The following OSBPL5 variants were observed in gnomAD, a reference collection of about 807,000 sequenced individuals.
The protein encoded by OSBPL5 is oxysterol binding protein like 5, also known as oxysterol-binding protein-related protein 5.
OSBPL5 carries 71 observed loss-of-function variants against 111.2 expected under a neutral mutation model. The ratio of observed to expected loss-of-function variants is 0.64; its 90% CI spans 0.53 to 0.78. The LOEUF is 0.78. Among genes scored for constraint, OSBPL5 ranks in the 30% least tolerant of loss-of-function variants. The pLI is 0.00. For missense variants in OSBPL5, 1,210 were observed against 1,189.3 expected (o/e 1.02, Z -0.26); for synonymous variants, 549 against 513.9 (o/e 1.07, Z -0.93).
rs1010251604 is a variant in OSBPL5 at position 3,113,123 on chromosome 11, G to A, written c.692-5178C>T. Among the ~76,000 whole-genome samples, 5 of 152,118 alleles carry A rather than the reference G, an allele frequency of 3.3e-5. No individual in the cohort carries two copies. The South Asian group carries it at 1.0e-3, about 32-fold the overall frequency. ...GCACTTGAATCAAATACTTGATCAG[G>A]AAAAAAGAAAAGACAAGTCAAATGC... is the stretch of plus-strand genomic sequence containing the variant. On this transcript the variant is annotated intron_variant, in intron 7 of 21. Coordinates refer to ENST00000263650, the MANE Select transcript of OSBPL5 (RefSeq NM_020896.4). The surrounding 1 kb of genome is among the most constrained non-coding windows in gnomAD (Gnocchi z 4.8).
Position 3,092,680 on chromosome 11 carries a change from A to G in OSBPL5, c.2133-122T>C. 1.4e-6 allele frequency: 2 copies of G among 1,384,594 alleles called. No homozygotes were observed. The highest frequency in any genetic ancestry group is 1.9e-6 in the Non-Finnish European group (2 of 1,038,550). 85.8% of individuals were successfully genotyped at this position (1,384,594 alleles called of 1,614,324 possible). A position where few individuals can be genotyped will look rare whatever the true frequency, so the allele number is the denominator to read the frequency against. On this transcript the variant is annotated intron_variant, in intron 18 of 21. Transcript: ENST00000263650. The surrounding 1 kb of genome is among the most constrained non-coding windows in gnomAD (Gnocchi z 5.4). ...ACCTCCAGGAGAATGACCACTGCCCACACCCCATGGGCAGGGCCTGCAGTA... is the reference window on the plus strand; with the variant it reads ...ACCTCCAGGAGAATGACCACTGCCCGCACCCCATGGGCAGGGCCTGCAGTA...
At chr11:3,143,996 C>A (rs1055807476) in intron 1 of OSBPL5, among the ~76,000 whole-genome samples, 1 of 152,170 alleles carries the variant, frequency 6.6e-6, no homozygotes, top group African/African-American at 2.4e-5. Context: ...GGTCGATGGC[C>A]TCAAGTCACA....
intron 1 of OSBPL5, among the ~76,000 whole-genome samples, chr11:3,148,072 C>G (rs1476842390): frequency 6.6e-6 from 1 of 152,216 alleles, no homozygotes; most frequent in Non-Finnish European, 1.5e-5. Flanking sequence ...ATGGTGCAGA[C>G]AGCTCTCCCT....
chr11:3,131,587 C>CTACCCATT (rs1858842311), intron 1 of OSBPL5, among the ~76,000 whole-genome samples: 1 of 109,632 alleles, frequency 9.1e-6, no homozygotes, highest in Non-Finnish European at 1.9e-5. Context: ...ATCCATCCAC[C>CTACCCATT]CATTCATCCA....
chr11:3,155,493 CCCCCAGCTCTGCCACTCA>C (rs1422680767), intron 1 of OSBPL5, among the ~76,000 whole-genome samples: 1 of 124,088 alleles, frequency 8.1e-6, no homozygotes, highest in Non-Finnish European at 1.7e-5. Context: ...TTTGCCACTC[CCCCCAGCTCTGCCACTCA>C]CCCCAGGTCT....
intron 20 of OSBPL5, 83 bp downstream of exon 20, chr11:3,090,475 T>G: frequency 5.2e-6 from 8 of 1,540,102 alleles, no homozygotes; most frequent in South Asian, 4.8e-5. Flanking sequence ...GGCAGGTGCT[T>G]CTCTGGCCTC....
chr11:3,147,979 T>C (rs928139622), intron 1 of OSBPL5, among the ~76,000 whole-genome samples: 3 of 152,132 alleles, frequency 2.0e-5, no homozygotes, highest in African/African-American at 7.2e-5. Flanking sequence ...GCTGGGCTCC[T>C]GCCTGGTCAC....
Position 3,100,151 on chromosome 11 carries a change from C to T in OSBPL5, c.1621+7G>A. On this transcript the variant is annotated splice_region_variant and intron_variant, in intron 14 of 21. Transcript: ENST00000263650. ...CTGCCCTCGGAGTGTGTGGCTGAGCCTCTCACCTTTGCAGTGGGCGTAGGG... is the reference window on the plus strand; with the variant it reads ...CTGCCCTCGGAGTGTGTGGCTGAGCTTCTCACCTTTGCAGTGGGCGTAGGG... 1 of 1,613,786 alleles carries T rather than the reference C, an allele frequency of 6.2e-7. No individual in the cohort carries two copies. The highest frequency in any genetic ancestry group is 8.5e-7 in the Non-Finnish European group (1 of 1,179,808).
chr11:3,138,961 C>T (rs963697219), intron 1 of OSBPL5, among the ~76,000 whole-genome samples: 2 of 152,256 alleles, frequency 1.3e-5, no homozygotes, highest in African/African-American at 4.8e-5. Context: ...ACAAAGAGGA[C>T]GCGGCTGCTG....
chr11:3,097,020 G>A (rs2134395658), intron 14 of OSBPL5, among the ~76,000 whole-genome samples: 1 of 14,096 alleles, frequency 7.1e-5, no homozygotes, highest in Non-Finnish European at 1.5e-4. Flanking sequence ...GAAGACGGGA[G>A]GGGGAGGAGA....
At chr11:3,119,466 C>T in intron 7 of OSBPL5, 81 bp downstream of exon 7, 1 of 1,401,902 alleles carries the variant, frequency 7.1e-7, no homozygotes, top group Non-Finnish European at 9.5e-7. Context: ...CTGGGGCCAC[C>T]TGTACCTGGG....
chr11:3,112,352 C>T (rs570416768), intron 7 of OSBPL5, among the ~76,000 whole-genome samples: 4 of 152,252 alleles, frequency 2.6e-5, no homozygotes, highest in African/African-American at 9.6e-5. Context: ...GGAGAGGGTG[C>T]CAGACTCCCC....
Position 3,141,184 on chromosome 11 carries a change from C to G in OSBPL5, c.-21-12015G>C, listed in dbSNP as rs192135015. Among the ~76,000 whole-genome samples, 3 of 152,320 alleles carry G rather than the reference C, an allele frequency of 2.0e-5. No individual in the cohort carries two copies. Among genetic ancestry groups the G allele is most frequent in the African/African-American group, 4.8e-5 (2 of 41,572 alleles). On this transcript the variant is annotated intron_variant, in intron 1 of 21. Coordinates refer to ENST00000263650, the MANE Select transcript of OSBPL5 (RefSeq NM_020896.4). This position sits in a 1 kb window ranked among gnomAD's most constrained non-coding sequence, Gnocchi z 6.5. ...GCTGACAGCCACCCAGGCTTCCCCC[C>G]GCCCAGCAGACAGTATCGTCATCAT... is the stretch of plus-strand genomic sequence containing the variant.
Position 3,142,199 on chromosome 11 carries a change from G to A in OSBPL5, c.-21-13030C>T, listed in dbSNP as rs7119764. Among the ~76,000 whole-genome samples the A allele has an allele frequency of 0.081, 12,262 of 152,298 alleles. 1,703 individuals carry two copies. The highest frequency in any genetic ancestry group is 0.28 in the African/African-American group (11,603 of 41,546). ...GTCCCAAAGTGCTGGGATTACAGGC[G>A]TGAGCCACCGTGCCCGGCCGACAGC... On this transcript the variant is annotated intron_variant, in intron 1 of 21. Transcript: ENST00000263650. The surrounding 1 kb of genome is among the most constrained non-coding windows in gnomAD (Gnocchi z 7.1).
At position 3,140,077 on chromosome 11, in the gene OSBPL5, G is replaced by T. The variant is rs1211075671; in HGVS notation, c.-21-10908C>A. On this transcript the variant is annotated intron_variant, in intron 1 of 21. Transcript: ENST00000263650. This position sits in a 1 kb window ranked among gnomAD's most constrained non-coding sequence, Gnocchi z 4.5. ...GCAGCCTGGGAGGGGGGTGTGCAGTGGTCCGCCAAGCAGCACCTCTGCCAA... is the reference window on the plus strand; with the variant it reads ...GCAGCCTGGGAGGGGGGTGTGCAGTTGTCCGCCAAGCAGCACCTCTGCCAA... Among the ~76,000 whole-genome samples, 1 of 152,230 alleles carries T rather than the reference G, an allele frequency of 6.6e-6. No individual in the cohort carries two copies. Among genetic ancestry groups the T allele is most frequent in the Non-Finnish European group, 1.5e-5 (1 of 68,026 alleles).
At position 3,092,749 on chromosome 11, in the gene OSBPL5, G is replaced by T; in HGVS notation, c.2132+118C>A. On this transcript the variant is annotated intron_variant, in intron 18 of 21. Coordinates refer to ENST00000263650, the MANE Select transcript of OSBPL5 (RefSeq NM_020896.4). This position sits in a 1 kb window ranked among gnomAD's most constrained non-coding sequence, Gnocchi z 5.4. Reference sequence around the variant, plus strand: ...TGTCACTATCTGACCCTCCCCCACCGACTCCTCCAGGGGACAGGCTGAAGG... The same window carrying T: ...TGTCACTATCTGACCCTCCCCCACCTACTCCTCCAGGGGACAGGCTGAAGG... 1 of 1,376,016 alleles carries T rather than the reference G, an allele frequency of 7.3e-7. No homozygotes were observed. The highest frequency in any genetic ancestry group is 9.7e-7 in the Non-Finnish European group (1 of 1,032,930). The allele number at this position is 1,376,016 out of a possible 1,614,324, so 85.2% of individuals were successfully genotyped here.
At chr11:3,090,024 C>G in intron 20 of OSBPL5, 76 bp from the exon 21 acceptor site, 1 of 1,207,008 alleles carries the variant, frequency 8.3e-7, no homozygotes, top group Non-Finnish European at 1.1e-6. Flanking sequence ...GGGGCTGGCA[C>G]GTGGGTCACA....
At chr11:3,088,420 C>A in intron 21 of OSBPL5, 77 bp from the exon 22 acceptor site, 1 of 1,372,476 alleles carries the variant, frequency 7.3e-7, no homozygotes. Flanking sequence ...GGACAGTGCC[C>A]TGGGTACTTG....
intron 21 of OSBPL5, among the ~76,000 whole-genome samples, 171 bp from the exon 22 acceptor site, chr11:3,088,514 G>C (rs1275437338): frequency 6.6e-6 from 1 of 152,144 alleles, no homozygotes; most frequent in Admixed American, 6.5e-5. Context: ...AAGCTTGTTA[G>C]TGGGAGGGCC....
Sources: allele counts gnomAD v4.1 joint callset (sites outside exome capture counted in the v4.1 genomes callset), GRCh38; gene constraint gnomAD v4.1.1; non-coding constraint Gnocchi (gnomAD v3.1); transcripts MANE v1.5; gene names NCBI Gene and HGNC (gene_info 2026-07-23, HGNC 2026-07-21).